The following PECR variants were observed in gnomAD, a reference collection of about 807,000 sequenced individuals.
PECR encodes peroxisomal trans-2-enoyl-CoA reductase, also known as 2,4-dienoyl-CoA reductase-related protein.
Under a neutral mutation model 35.3 loss-of-function variants are expected in PECR, and 30 were observed. That is an observed-to-expected ratio of 0.85 (90% CI 0.64 to 1.15). The LOEUF (loss-of-function observed/expected upper bound fraction) is 1.15, where lower values mean the gene tolerates loss of function less well. Ranked by LOEUF, PECR falls within the 50% of genes most tolerant of loss-of-function variation. The pLI is 0.00. For synonymous variants in PECR, 148 were observed against 138.9 expected (o/e 1.07, Z -0.46); for missense variants, 392 against 370.8 (o/e 1.06, Z -0.47).
In PECR at chr2:216,049,265, C is replaced by A; in HGVS notation, c.712G>T (p.Glu238Ter). 6.9e-7 allele frequency: 1 copy of A among 1,446,976 alleles called. No homozygotes were observed. The highest frequency in any genetic ancestry group is 2.3e-5 in the East Asian group (1 of 44,108). 89.6% of individuals were successfully genotyped at this position (1,446,976 alleles called of 1,614,324 possible). ...TCAATGCTGGAAATATACCTTACCT[C>A]CTCAGGAACACCAATTCGTTTAGCG... is the stretch of plus-strand genomic sequence containing the variant. Reference protein sequence around the residue: ...IPAKRIGVPEEVSSVVCFLLS... With the variant: ...IPAKRIGVPE Residue 238 changes from glutamate to a stop codon, truncating the protein, a stop_gained and splice_region_variant, in exon 6 of 8, where the codon GAG becomes TAG. Transcript: ENST00000265322. LOFTEE classifies it high-confidence loss of function.
chr2:216,036,517 G>A (rs1437129439), downstream of PECR, among the ~76,000 whole-genome samples: 1 of 152,232 alleles, frequency 6.6e-6, no homozygotes, highest in Admixed American at 6.5e-5. Context: ...CAGGAGGAGA[G>A]AGAGTTACTT....
At chr2:216,073,610 CTTTTA>C (rs1220329306) in intron 1 of PECR, among the ~76,000 whole-genome samples, 1 of 151,514 alleles carries the variant, frequency 6.6e-6, no homozygotes, top group Non-Finnish European at 1.5e-5. Context: ...TTTACTATAT[CTTTTA>C]TTTTTATTAT....
chr2:216,051,449 AGGG>A lies in PECR; in HGVS notation c.600_602del (p.Pro201del), dbSNP rs1695113161. On this transcript the variant is annotated inframe_deletion and splice_region_variant, in exon 5 of 8. Coordinates refer to ENST00000265322, the MANE Select transcript of PECR (RefSeq NM_018441.6). ...ATTTCAATATAGATCGTTTACCTAC[AGGG>A]GCAACACAATTGATCCGTATTCCAC... is the stretch of plus-strand genomic sequence containing the variant. 2.5e-6 allele frequency: 4 copies of A among 1,579,566 alleles called. No individual in the cohort carries two copies. Among genetic ancestry groups the A allele is most frequent in the African/African-American group, 2.7e-5 (2 of 74,240 alleles).
intron 1 of PECR, among the ~76,000 whole-genome samples, chr2:216,075,391 T>A (rs1229166800): frequency 6.6e-6 from 1 of 152,200 alleles, no homozygotes; most frequent in African/African-American, 2.4e-5. Context: ...TGTGTATACA[T>A]GTGCACATTA....
At chr2:216,077,806 CAAA>C (rs10596402) in intron 1 of PECR, among the ~76,000 whole-genome samples, 52 of 73,466 alleles carry the variant, frequency 7.1e-4, no homozygotes, top group African/African-American at 2.1e-3. Flanking sequence ...GACTCCGTCT[CAAA>C]AAAAAAAAAA....
At chr2:216,055,106 T>C (rs1030020705) in intron 4 of PECR, among the ~76,000 whole-genome samples, 1 of 125,326 alleles carries the variant, frequency 8.0e-6, no homozygotes, top group African/African-American at 3.2e-5. Flanking sequence ...AGCGAGACTG[T>C]GTCTTACAAA....
chr2:216,060,554 C>T (rs549871978), intron 3 of PECR, among the ~76,000 whole-genome samples: 25 of 152,184 alleles, frequency 1.6e-4, no homozygotes, highest in Non-Finnish European at 3.5e-4. Flanking sequence ...AGCAGCTGCT[C>T]GGTAGGCTGA....
chr2:216,034,142 G>C (rs536496207), downstream of PECR: 2 of 152,336 alleles, frequency 1.3e-5, no homozygotes, highest in South Asian at 4.1e-4. Flanking sequence ...TGCCCAGACA[G>C]GCTGGTGTTC....
downstream of PECR, among the ~76,000 whole-genome samples, chr2:216,035,234 C>A (rs149592848): frequency 1.9e-3 from 288 of 152,290 alleles, 1 homozygote; most frequent in African/African-American, 6.7e-3. Context: ...GCTTCCTGAC[C>A]CGTGCAGTGC....
Position 216,058,898 on chromosome 2 carries a change from G to C in PECR, c.503C>G (p.Ala168Gly), listed in dbSNP as rs774791648. The part of the protein sequence containing the change: ...IVPTKAGFPL[A>G]VHSGAARAGV... ...AAAACTATATAAAAACGCTTACACA[G>C]CTAATGGAAATCCAGCTTTAGTAGG... The change falls in exon 4 of 8, where the codon GCT (alanine) becomes GGT (glycine). Residue 168 changes from alanine (A) to glycine (G), a missense_variant. Coordinates refer to ENST00000265322, the MANE Select transcript of PECR (RefSeq NM_018441.6). 1 of 1,569,960 alleles carries C rather than the reference G, an allele frequency of 6.4e-7. No individual in the cohort carries two copies. The highest frequency in any genetic ancestry group is 8.8e-7 in the Non-Finnish European group (1 of 1,140,050).
downstream of PECR, among the ~76,000 whole-genome samples, chr2:216,038,034 G>A (rs924145947): frequency 6.8e-5 from 4 of 59,156 alleles, no homozygotes; most frequent in Admixed American, 4.4e-4. Flanking sequence ...GTGGTGAGCC[G>A]AGATTATGCT....
intron 1 of PECR, among the ~76,000 whole-genome samples, chr2:216,069,585 T>C (rs1695546770): frequency 6.6e-6 from 1 of 152,106 alleles, no homozygotes; most frequent in Admixed American, 6.5e-5. Context: ...AAAGTGCCTG[T>C]GACAAAGAAG....
At chr2:216,040,686 T>C (rs1694871956) in intron 7 of PECR, among the ~76,000 whole-genome samples, 1 of 152,124 alleles carries the variant, frequency 6.6e-6, no homozygotes, top group Non-Finnish European at 1.5e-5. Context: ...CTGGCCAACA[T>C]AGTGAAACTC....
At chr2:216,042,997 G>GTA (rs1201872960) in intron 7 of PECR, among the ~76,000 whole-genome samples, 5 of 118,858 alleles carry the variant, frequency 4.2e-5, no homozygotes, top group Non-Finnish European at 6.9e-5. Flanking sequence ...ATATACATAC[G>GTA]TATATGTGTA....
At chr2:216,033,207 C>T (rs762024694) in intron 7 of PECR, among the ~76,000 whole-genome samples, 6 of 152,262 alleles carry the variant, frequency 3.9e-5, no homozygotes, top group Non-Finnish European at 7.4e-5. Flanking sequence ...TGTTGCCAAT[C>T]TCATTTCACC....
intron 4 of PECR, among the ~76,000 whole-genome samples, chr2:216,052,613 C>T (rs1209919417): frequency 1.3e-5 from 2 of 152,186 alleles, no homozygotes; most frequent in African/African-American, 2.4e-5. Context: ...TCTTTTTCCT[C>T]CAGCTGCTTT....
At chr2:216,060,248 C>T (rs9288515) in intron 3 of PECR, among the ~76,000 whole-genome samples, 18,635 of 152,048 alleles carry the variant, frequency 0.12, 1,706 homozygotes, top group African/African-American at 0.24. Flanking sequence ...ACACACCTTC[C>T]GCTTCTGGAT....
At chr2:216,031,204 C>T (rs1037527985) in intron 7 of PECR, among the ~76,000 whole-genome samples, 8 of 151,842 alleles carry the variant, frequency 5.3e-5, no homozygotes, top group African/African-American at 1.2e-4. Flanking sequence ...GTCAGGAGTT[C>T]GAGACCAGCC....
rs138408075 is a variant in PECR at position 216,058,938 on chromosome 2, C to G, written c.463G>C (p.Val155Leu). Reference protein sequence around the residue: ...SWMKEHGGSIVNIIVPTKAGF... With the variant: ...SWMKEHGGSILNIIVPTKAGF... The stretch of plus-strand genomic sequence containing the variant: ...GCTTTAGTAGGGACAATGATATTGA[C>G]GATAGATCCTCCATGCTCTTTCATC... Residue 155 changes from valine (V) to leucine (L), a missense_variant, in exon 4 of 8, where the codon GTC (valine) becomes CTC (leucine). Coordinates refer to ENST00000265322, the MANE Select transcript of PECR (RefSeq NM_018441.6). The G allele has an allele frequency of 1.4e-5, 23 of 1,609,502 alleles. No homozygotes were observed. The highest frequency in any genetic ancestry group is 1.8e-5 in the Non-Finnish European group (21 of 1,176,004).
Sources: allele counts gnomAD v4.1 joint callset (sites outside exome capture counted in the v4.1 genomes callset), GRCh38; gene constraint gnomAD v4.1.1; transcripts MANE v1.5; gene names NCBI Gene and HGNC (gene_info 2026-07-23, HGNC 2026-07-21).